Variants in SPAG9 observed in about 807,000 individuals in gnomAD.
SPAG9 encodes the protein C-Jun-amino-terminal kinase-interacting protein 4.
In SPAG9, 35 loss-of-function variants were observed where a neutral mutation model predicts 166.5. The ratio of observed to expected loss-of-function variants is 0.21; its 90% CI spans 0.16 to 0.28. SPAG9 has a LOEUF of 0.28. Ranked by LOEUF, SPAG9 falls within the 10% of genes least tolerant of loss-of-function variation. The probability of loss-of-function intolerance (pLI) is 1.00; values close to 1 mark genes in which losing one functional copy is unlikely to be tolerated. For missense variants in SPAG9, 1,235 were observed against 1,603.3 expected (o/e 0.77, Z 3.92); for synonymous variants, 534 against 565.5 (o/e 0.94, Z 0.79).
intron 22 of SPAG9, 56 bp downstream of exon 22, chr17:50,987,056 A>G (rs1277845759): frequency 7.8e-6 from 12 of 1,533,338 alleles, no homozygotes; most frequent in Middle Eastern, 1.7e-4. Flanking sequence ...TTATCTTCTG[A>G]TTTCAAAAGC....
In SPAG9 at chr17:51,020,171, T is replaced by C; in HGVS notation, c.1079A>G (p.Tyr360Cys). 1.2e-6 allele frequency: 2 copies of C among 1,607,310 alleles called. No homozygotes were observed. Among genetic ancestry groups the C allele is most frequent in the East Asian group, 2.2e-5 (1 of 44,814 alleles). The change falls in exon 8 of 30, where the codon TAT (tyrosine) becomes TGT (cysteine). Residue 360 changes from tyrosine (Y) to cysteine (C), a missense_variant. Transcript: ENST00000262013. ...ACATTTATGTTACCTTGAACCTTTA[T>C]ATCCACTGAGATCTTTGTCCATATC... is the stretch of plus-strand genomic sequence containing the variant. The part of the protein sequence containing the change: ...ELDMDKDLSG[Y>C]KGSSTPTKGI...
chr17:51,117,279 C>T (rs978656215), intron 1 of SPAG9, among the ~76,000 whole-genome samples: 2 of 152,214 alleles, frequency 1.3e-5, no homozygotes, highest in Middle Eastern at 3.4e-3. Context: ...ATCTACATAC[C>T]CACCTAAGTT....
At chr17:51,022,885 G>T (rs576089027) in intron 6 of SPAG9, among the ~76,000 whole-genome samples, 1 of 150,426 alleles carries the variant, frequency 6.6e-6, no homozygotes, top group African/African-American at 2.4e-5. Flanking sequence ...GGGAGGCAGA[G>T]GTTGCAGTGA....
intron 28 of SPAG9, among the ~76,000 whole-genome samples, chr17:50,973,663 T>C (rs1023727906): frequency 2.0e-5 from 3 of 152,220 alleles, no homozygotes; most frequent in African/African-American, 7.2e-5. Context: ...TTGTAAGTCT[T>C]TTTTAGATGT....
intron 1 of SPAG9, among the ~76,000 whole-genome samples, chr17:51,096,969 T>C (rs776482618): frequency 2.8e-4 from 43 of 152,192 alleles, no homozygotes; most frequent in Non-Finnish European, 4.7e-4. Flanking sequence ...GAGCTGGTCA[T>C]TGGAAAGACC....
At chr17:50,987,646 T>C (rs184083127) in intron 21 of SPAG9, among the ~76,000 whole-genome samples, 4 of 152,090 alleles carry the variant, frequency 2.6e-5, no homozygotes, top group African/African-American at 9.6e-5. Context: ...GAAAAGATAA[T>C]AAGACATGGT....
At chr17:51,100,638 T>A (rs1338539118) in intron 1 of SPAG9, among the ~76,000 whole-genome samples, 1 of 150,914 alleles carries the variant, frequency 6.6e-6, no homozygotes. Context: ...CAAAAAAAAA[T>A]GGCCAGGTGC....
At chr17:50,988,756 T>C (rs545872663) in intron 21 of SPAG9, among the ~76,000 whole-genome samples, 6 of 152,344 alleles carry the variant, frequency 3.9e-5, no homozygotes, top group African/African-American at 1.4e-4. Context: ...GGTCTCACTA[T>C]GTTGCTCAGG....
chr17:51,068,783 T>C (rs1251901325), intron 2 of SPAG9, among the ~76,000 whole-genome samples: 1 of 152,226 alleles, frequency 6.6e-6, no homozygotes, highest in Non-Finnish European at 1.5e-5. Context: ...CTTTTACTCA[T>C]AAACTTAATT....
chr17:51,003,278 G>C (rs2045043310), intron 12 of SPAG9, among the ~76,000 whole-genome samples: 1 of 151,758 alleles, frequency 6.6e-6, no homozygotes, highest in Non-Finnish European at 1.5e-5. Context: ...TAAAAATAAA[G>C]GATAGTGCAG....
In SPAG9 at chr17:51,014,349, G is replaced by C; in HGVS notation, c.1096C>G (p.Pro366Ala). 4 of 1,608,986 alleles carry C rather than the reference G, an allele frequency of 2.5e-6. No homozygotes were observed. The highest frequency in any genetic ancestry group is 2.5e-6 in the Non-Finnish European group (3 of 1,177,798). ...DLSGYKGSST[P>A]TKGIENKAFD... ...GCTTTGTTCTCTATGCCTTTGGTGGGAGTGCTATGCAACAAGAACAACAAA... is the reference window on the plus strand; with the variant it reads ...GCTTTGTTCTCTATGCCTTTGGTGGCAGTGCTATGCAACAAGAACAACAAA... Residue 366 changes from proline to alanine, a missense_variant, in exon 9 of 30, where the codon CCC becomes GCC. This residue lies in a region of SPAG9 where 288 missense variants were observed against 323.7 expected (regional missense o/e 0.89). Coordinates refer to ENST00000262013, the MANE Select transcript of SPAG9 (RefSeq NM_001130528.3).
At chr17:51,070,482 T>C (rs1456295701) in intron 2 of SPAG9, among the ~76,000 whole-genome samples, 2 of 152,114 alleles carry the variant, frequency 1.3e-5, no homozygotes, top group Non-Finnish European at 2.9e-5. Flanking sequence ...AAACTACCAA[T>C]AGAAGGGAAA....
At chr17:51,116,069 G>A (rs145782412) in intron 1 of SPAG9, among the ~76,000 whole-genome samples, 145 of 151,346 alleles carry the variant, frequency 9.6e-4, no homozygotes, top group African/African-American at 3.4e-3. Flanking sequence ...TTTTTGAGAG[G>A]TAGTCTCACT....
At chr17:51,041,674 A>G (rs2046843954) in intron 4 of SPAG9, 23 bp from the exon 5 acceptor site, 2 of 1,608,752 alleles carry the variant, frequency 1.2e-6, no homozygotes, top group Non-Finnish European at 1.7e-6. Flanking sequence ...GGGAGAAAAA[A>G]TTCGGCATTC....
intron 2 of SPAG9, among the ~76,000 whole-genome samples, chr17:51,059,295 C>A (rs1200685035): frequency 6.6e-6 from 1 of 152,092 alleles, no homozygotes; most frequent in Non-Finnish European, 1.5e-5. Flanking sequence ...TCCATTCACA[C>A]AGGCACTTTC....
intron 27 of SPAG9, among the ~76,000 whole-genome samples, chr17:50,976,086 A>G (rs1974185747): frequency 6.6e-6 from 1 of 152,132 alleles, no homozygotes; most frequent in Non-Finnish European, 1.5e-5. Context: ...CAAGGCTTCT[A>G]TTAGAATCTC....
intron 9 of SPAG9, among the ~76,000 whole-genome samples, chr17:51,010,999 C>T (rs1048436135): frequency 2.0e-5 from 3 of 151,932 alleles, no homozygotes; most frequent in Admixed American, 1.3e-4. Context: ...GCAAAGGAAG[C>T]GGATCCTGTT....
At chr17:51,107,561 AC>A (rs2048988260) in intron 1 of SPAG9, among the ~76,000 whole-genome samples, 1 of 151,588 alleles carries the variant, frequency 6.6e-6, no homozygotes, top group African/African-American at 2.4e-5. Context: ...ATATGGTAAA[AC>A]CCCATCTCTA....
chr17:51,040,225 C>T (rs1023039098), intron 5 of SPAG9, among the ~76,000 whole-genome samples: 14 of 143,234 alleles, frequency 9.8e-5, no homozygotes, highest in Non-Finnish European at 2.1e-4. Context: ...CCAGCCTGAG[C>T]GACACAGCAA....
Sources: allele counts gnomAD v4.1 joint callset (sites outside exome capture counted in the v4.1 genomes callset), GRCh38; gene constraint gnomAD v4.1.1; regional missense constraint gnomAD v4.1.1; transcripts MANE v1.5; gene names NCBI Gene and HGNC (gene_info 2026-07-23, HGNC 2026-07-21).